CYTH1: variants seen among roughly 807,000 people sequenced by gnomAD.
The protein encoded by CYTH1 is cytohesin-1.
Under a neutral mutation model 61.8 loss-of-function variants are expected in CYTH1, and 18 were observed. The observed-to-expected ratio is 0.29, with a 90% CI of 0.20 to 0.43. The LOEUF (loss-of-function observed/expected upper bound fraction) is 0.43, where lower values mean the gene tolerates loss of function less well. Among genes scored for constraint, CYTH1 ranks in the 20% least tolerant of loss-of-function variants. CYTH1 has a pLI of 1.00. For synonymous variants in CYTH1, 174 were observed against 184.3 expected (o/e 0.94, Z 0.45); for missense variants, 336 against 510.5 (o/e 0.66, Z 3.29).
intron 1 of CYTH1, among the ~76,000 whole-genome samples, chr17:78,771,432 T>C (rs1387577247): frequency 6.6e-6 from 1 of 151,582 alleles, no homozygotes; most frequent in Non-Finnish European, 1.5e-5. Context: ...ACAGCAAGAC[T>C]GTCTCAAAGA....
chr17:78,710,158 G>A (rs1567850985), intron 1 of CYTH1, among the ~76,000 whole-genome samples: 1 of 152,164 alleles, frequency 6.6e-6, no homozygotes, highest in African/African-American at 2.4e-5. Flanking sequence ...GACCCCCTGA[G>A]GTGGGGAGGG....
intron 13 of CYTH1, chr17:78,678,199 A>C (rs2092721146): frequency 6.6e-6 from 1 of 152,252 alleles, no homozygotes; most frequent in Non-Finnish European, 1.5e-5. Flanking sequence ...ACTTTGAAAA[A>C]TGCTTAGTTT....
At chr17:78,742,163 G>A (rs1006318250) in intron 1 of CYTH1, among the ~76,000 whole-genome samples, 1 of 152,198 alleles carries the variant, frequency 6.6e-6, no homozygotes, top group Non-Finnish European at 1.5e-5. Flanking sequence ...ATTTCTCTAA[G>A]TGGGCTTAAG....
intron 1 of CYTH1, among the ~76,000 whole-genome samples, chr17:78,735,119 C>A (rs1295801513): frequency 2.6e-5 from 4 of 152,174 alleles, no homozygotes; most frequent in Non-Finnish European, 5.9e-5. Context: ...AGCGAAGAAG[C>A]ACCAGTTCTT....
chr17:78,749,021 A>G (rs934753732), intron 1 of CYTH1, among the ~76,000 whole-genome samples: 1 of 152,178 alleles, frequency 6.6e-6, no homozygotes, highest in Non-Finnish European at 1.5e-5. Flanking sequence ...CAACACACCC[A>G]CATACTGTGT....
At chr17:78,747,833 G>T (rs1232075543) in intron 1 of CYTH1, among the ~76,000 whole-genome samples, 1 of 152,122 alleles carries the variant, frequency 6.6e-6, no homozygotes, top group African/African-American at 2.4e-5. Flanking sequence ...GGGTTCTTAT[G>T]AAAACTGCTG....
At chr17:78,690,839 G>C (rs987604212) in intron 11 of CYTH1, among the ~76,000 whole-genome samples, 1 of 152,290 alleles carries the variant, frequency 6.6e-6, no homozygotes, top group South Asian at 2.1e-4. Flanking sequence ...CTAGAATCTC[G>C]TAGCATTGCT....
At chr17:78,763,169 C>T (rs1346858325) in intron 1 of CYTH1, among the ~76,000 whole-genome samples, 2 of 152,024 alleles carry the variant, frequency 1.3e-5, no homozygotes, top group African/African-American at 4.8e-5. Flanking sequence ...CGTGGTAAAA[C>T]CCTGTCTCTA....
At chr17:78,709,989 T>C (rs2093111649) in intron 1 of CYTH1, among the ~76,000 whole-genome samples, 1 of 152,162 alleles carries the variant, frequency 6.6e-6, no homozygotes, top group African/African-American at 2.4e-5. Flanking sequence ...AAGGTTAAAT[T>C]AGGTTGGCTA....
rs937848716 is a variant in CYTH1, at chr17:78,675,895, C to T, written c.*196G>A. The T allele has an allele frequency of 6.0e-6, 9 of 1,503,410 alleles. No individual in the cohort carries two copies. The highest frequency in any genetic ancestry group is 7.1e-6 in the Non-Finnish European group (8 of 1,125,306). The allele number at this position is 1,503,410 out of a possible 1,614,324, so 93.1% of individuals were successfully genotyped here. ...CTGGAGCCCATGCTGGACAGGTGGC[C>T]GGTCCTCTCTTCCCCAGTGATAACT... is the stretch of plus-strand genomic sequence containing the variant. On this transcript the variant is annotated 3_prime_UTR_variant, in exon 14 of 14. Coordinates refer to ENST00000446868, the MANE Select transcript of CYTH1 (RefSeq NM_004762.6).
intron 6 of CYTH1, 94 bp downstream of exon 6, chr17:78,701,577 G>A: frequency 1.7e-6 from 2 of 1,144,842 alleles, no homozygotes; most frequent in Non-Finnish European, 2.6e-6. Flanking sequence ...CATACCCAAA[G>A]ATATAATTTC....
At chr17:78,723,514 A>C (rs1423957388) in intron 1 of CYTH1, 1 of 152,320 alleles carries the variant, frequency 6.6e-6, no homozygotes, top group Admixed American at 6.5e-5. Flanking sequence ...GCTGGCGCAG[A>C]GCGCAGAGAT....
chr17:78,705,264 A>C (rs1199209133), intron 3 of CYTH1, among the ~76,000 whole-genome samples: 1 of 152,152 alleles, frequency 6.6e-6, no homozygotes, highest in Non-Finnish European at 1.5e-5. Context: ...TCTGTGCCAC[A>C]TGACTGCCTG....
chr17:78,774,091 T>C (rs1407578433), intron 1 of CYTH1, among the ~76,000 whole-genome samples: 1 of 152,236 alleles, frequency 6.6e-6, no homozygotes, highest in African/African-American at 2.4e-5. Context: ...ATGTTGATCC[T>C]CACTGAGGGC....
At chr17:78,724,657 T>C (rs2093255636) in intron 1 of CYTH1, among the ~76,000 whole-genome samples, 1 of 152,156 alleles carries the variant, frequency 6.6e-6, no homozygotes, top group South Asian at 2.1e-4. Context: ...TTGCTCTAGA[T>C]AAACAATGGA....
intron 1 of CYTH1, among the ~76,000 whole-genome samples, chr17:78,754,786 C>A (rs1044874788): frequency 6.6e-6 from 1 of 152,078 alleles, no homozygotes; most frequent in African/African-American, 2.4e-5. Context: ...TCTTTAACTG[C>A]TTTGCATATT....
chr17:78,778,371 C>T (rs568603143), intron 1 of CYTH1, among the ~76,000 whole-genome samples: 4 of 150,108 alleles, frequency 2.7e-5, no homozygotes, highest in Non-Finnish European at 5.9e-5. Flanking sequence ...GGCGTGGTGG[C>T]TCACGCCTGT....
At chr17:78,759,297 G>T (rs1307701053) in intron 1 of CYTH1, among the ~76,000 whole-genome samples, 3 of 152,168 alleles carry the variant, frequency 2.0e-5, no homozygotes, top group Non-Finnish European at 4.4e-5. Context: ...CGCAGCCTCA[G>T]TTCTTCGTAG....
At chr17:78,762,648 G>A (rs2093433465) in intron 1 of CYTH1, among the ~76,000 whole-genome samples, 1 of 152,162 alleles carries the variant, frequency 6.6e-6, no homozygotes, top group African/African-American at 2.4e-5. Context: ...TTTAGAAGAG[G>A]GAGATTATCC....
Sources: allele counts gnomAD v4.1 joint callset (sites outside exome capture counted in the v4.1 genomes callset), GRCh38; gene constraint gnomAD v4.1.1; transcripts MANE v1.5; gene names NCBI Gene and HGNC (gene_info 2026-07-23, HGNC 2026-07-21).